The following BAG6 variants were observed in gnomAD, a reference collection of about 807,000 sequenced individuals.
BAG6 encodes the protein BAG cochaperone 6.
Under a neutral mutation model 121.0 loss-of-function variants are expected in BAG6, and 22 were observed. The ratio of observed to expected loss-of-function variants is 0.18; its 90% CI spans 0.13 to 0.26. BAG6 has a LOEUF of 0.26. Among genes scored for constraint, BAG6 ranks in the 10% least tolerant of loss-of-function variants. The pLI is 1.00. For synonymous variants in BAG6, 583 were observed against 584.6 expected (o/e 1.00, Z 0.04); for missense variants, 1,233 against 1,537.7 (o/e 0.80, Z 3.31).
rs1453109083 is a variant in BAG6 at position 31,644,834 on chromosome 6, G to A, written c.1369+112C>T. On this transcript the variant is annotated intron_variant, in intron 10 of 25. Coordinates refer to ENST00000676615, the MANE Select transcript of BAG6 (RefSeq NM_001387994.1). This position sits in a 1 kb window ranked among gnomAD's most constrained non-coding sequence, Gnocchi z 4.9. Reference sequence around the variant, plus strand: ...ACTTAAGCTTCTGCTCTGGTCCCCAGGCTACCACCACCAGCATGTGCCTCT... The same window carrying A: ...ACTTAAGCTTCTGCTCTGGTCCCCAAGCTACCACCACCAGCATGTGCCTCT... 4 of 1,494,702 alleles carry A rather than the reference G, an allele frequency of 2.7e-6. No homozygotes were observed. Among genetic ancestry groups the A allele is most frequent in the Admixed American group, 2.0e-5 (1 of 50,088 alleles). 92.6% of individuals were successfully genotyped at this position (1,494,702 alleles called of 1,614,324 possible).
At chr6:31,646,886 G>A (rs1257633513) in intron 7 of BAG6, among the ~76,000 whole-genome samples, 2 of 143,460 alleles carry the variant, frequency 1.4e-5, no homozygotes, top group Non-Finnish European at 3.0e-5. Context: ...CCATTCTCCT[G>A]ACTCAGCCTC....
Position 31,643,721 on chromosome 6 carries a change from C to CAAAAAAAAAAA in BAG6, c.1756+158_1756+168dup, listed in dbSNP as rs9281540. ...CTAGCAACAGAGTGAGACTCCATCT[C>CAAAAAAAAAAA]AAAAAAAAAAAAAAAAAAAAAAAAA... On this transcript the variant is annotated intron_variant, in intron 14 of 25. Transcript: ENST00000676615. Among the ~76,000 whole-genome samples, 301 of 66,250 alleles carry CAAAAAAAAAAA rather than the reference C, an allele frequency of 4.5e-3. 36 individuals are homozygous for CAAAAAAAAAAA. Among genetic ancestry groups the CAAAAAAAAAAA allele is most frequent in the African/African-American group, 8.6e-3 (81 of 9,374 alleles). The allele number at this position is 66,250 out of a possible 152,430, so 43.5% of individuals were successfully genotyped here. A position where few individuals can be genotyped will look rare whatever the true frequency, so the allele number is the denominator to read the frequency against.
chr6:31,651,159 T>A (rs1455984614), intron 2 of BAG6, among the ~76,000 whole-genome samples: 1 of 152,146 alleles, frequency 6.6e-6, no homozygotes, highest in Non-Finnish European at 1.5e-5. Context: ...TTAAGTTCTA[T>A]CCATGTGGAG....
chr6:31,639,538 G>A lies in BAG6; in HGVS notation c.3355C>T (p.Leu1119=). 6.2e-7 allele frequency: 1 copy of A among 1,614,224 alleles called. No homozygotes were observed. ...LTSPESLSRD[L]EAPEVQESYR... is the part of the protein sequence containing the mutation. ...CTCTCCTGAACCTCTGGTGCCTCCA[G>A]GTCCCGGCTCAGGCTCTCGGGGCTC... Residue 1119 remains leucine, a synonymous_variant, in exon 25 of 26, where the codon CTG becomes TTG. Coordinates refer to ENST00000676615, the MANE Select transcript of BAG6 (RefSeq NM_001387994.1).
In BAG6 at chr6:31,645,023, GCTGGCGGGGGAGCTGGAC is replaced by G. The variant is rs757156077; in HGVS notation, c.1274_1291del (p.Gly425_Pro430del). On this transcript the variant is annotated inframe_deletion, in exon 10 of 26. Coordinates refer to ENST00000676615, the MANE Select transcript of BAG6 (RefSeq NM_001387994.1). ...CCGGATGACCCTCGGGTGGCTGGTGGCTGGCGGGGGAGCTGGACCTGGCGGGGGAGCCCCCTCAGCTGA... is the reference window on the plus strand; with the variant it reads ...CCGGATGACCCTCGGGTGGCTGGTGGCTGGCGGGGGAGCCCCCTCAGCTGA... The G allele has an allele frequency of 3.1e-6, 5 of 1,611,838 alleles. No individual in the cohort carries two copies. Among genetic ancestry groups the G allele is most frequent in the African/African-American group, 2.7e-5 (2 of 74,900 alleles).
chr6:31,643,959 T>C lies in BAG6; in HGVS notation c.1687A>G (p.Thr563Ala). The C allele has an allele frequency of 6.2e-7, 1 of 1,613,948 alleles. No individual in the cohort carries two copies. The change falls in exon 14 of 26, where the codon ACC (threonine) becomes GCC (alanine). Residue 563 changes from threonine (T) to alanine (A), a missense_variant. Around this residue, in one of 7 missense-constraint regions of BAG6, gnomAD observed 777 missense variants for 861.4 expected, o/e 0.90. Coordinates refer to ENST00000676615, the MANE Select transcript of BAG6 (RefSeq NM_001387994.1). ...ACCATCTGGGCCAACGAGGCATTGG[T>C]ACCCAGACCGGCGCCCTGCTGGATA... is the stretch of plus-strand genomic sequence containing the variant. The part of the protein sequence containing the change: ...SGTLQGAGLG[T>A]NASLAQMVSG...
In BAG6 at chr6:31,639,190, G is replaced by C; in HGVS notation, c.3430C>G (p.Pro1144Ala). The change falls in exon 26 of 26, where the codon CCC becomes GCC. Residue 1144 changes from proline (P) to alanine (A), a missense_variant. Transcript: ENST00000676615. ...GGGAAGCGCTGGGGACTGTAGTTGG[G>C]GTCTTCCTGCAGTCGTTTTTGTATA... ...SDIQKRLQED[P>A]NYSPQRFPNA... 6.2e-7 allele frequency: 1 copy of C among 1,613,962 alleles called. No individual in the cohort carries two copies. Among genetic ancestry groups the C allele is most frequent in the Non-Finnish European group, 8.5e-7 (1 of 1,179,978 alleles).
intron 3 of BAG6, 50 bp downstream of exon 3, chr6:31,649,460 C>A (rs753906761): frequency 6.2e-7 from 1 of 1,611,314 alleles, no homozygotes; most frequent in Non-Finnish European, 8.5e-7. Flanking sequence ...CTCAGTTCAT[C>A]CCTCCAGACA....
At position 31,641,300 on chromosome 6, in the gene BAG6, C is replaced by T; in HGVS notation, c.2662+20G>A. ...CACATGCAACAGGCCCCACTTGCCC[C>T]CGCCTGGCCAGCCCCTGACCTGTGC... On this transcript the variant is annotated intron_variant, in intron 19 of 25. Transcript: ENST00000676615. The surrounding 1 kb of genome is among the most constrained non-coding windows in gnomAD (Gnocchi z 5.7). 6.2e-7 allele frequency: 1 copy of T among 1,613,830 alleles called. No homozygotes were observed. Among genetic ancestry groups the T allele is most frequent in the African/African-American group, 1.3e-5 (1 of 75,068 alleles).
chr6:31,650,368 A>T (rs1310237803), intron 2 of BAG6, among the ~76,000 whole-genome samples: 1 of 151,934 alleles, frequency 6.6e-6, no homozygotes, highest in Non-Finnish European at 1.5e-5. Context: ...AGAAGATAAG[A>T]AAGCAAAAAA....
chr6:31,651,752 A>G lies in BAG6; in HGVS notation c.12T>C (p.Asn4=). Residue 4 remains asparagine, a synonymous_variant, in exon 2 of 26, where the codon AAT becomes AAC. Coordinates refer to ENST00000676615, the MANE Select transcript of BAG6 (RefSeq NM_001387994.1). The stretch of plus-strand genomic sequence containing the variant: ...CCTCCACAGCGGTACTGGTACTATC[A>G]TTAGGCTCCATGGCCGACAGGTCTC... MEP[N]DSTSTAVEEP... The G allele has an allele frequency of 6.2e-7, 1 of 1,613,014 alleles. No homozygotes were observed. Among genetic ancestry groups the G allele is most frequent in the African/African-American group, 1.3e-5 (1 of 75,044 alleles).
At position 31,642,838 on chromosome 6, in the gene BAG6, G is replaced by A. The variant is rs1285428072; in HGVS notation, c.2034C>T (p.Asp678=). The change falls in exon 15 of 26, where the codon GAC becomes GAT. Residue 678 remains aspartate, a synonymous_variant. Coordinates refer to ENST00000676615, the MANE Select transcript of BAG6 (RefSeq NM_001387994.1). ...CAAGCCAGCCACTCACCTGCAAGAA[G>A]TCAGTCATGCCTTGGAGAAAGGCAG... The part of the protein sequence containing the change: ...GVPAFLQGMT[D]FLQATQTAPP... 8 of 1,612,214 alleles carry A rather than the reference G, an allele frequency of 5.0e-6. No individual in the cohort carries two copies. The highest frequency in any genetic ancestry group is 6.8e-6 in the Non-Finnish European group (8 of 1,179,268).
At chr6:31,650,789 A>T (rs1422996176) in intron 2 of BAG6, among the ~76,000 whole-genome samples, 1 of 152,158 alleles carries the variant, frequency 6.6e-6, no homozygotes, top group Non-Finnish European at 1.5e-5. Context: ...ATATCCAGGT[A>T]ATATCACATT....
Position 31,640,463 on chromosome 6 carries a change from A to C in BAG6, c.3060T>G (p.Pro1020=). 1 of 1,613,434 alleles carries C rather than the reference A, an allele frequency of 6.2e-7. No individual in the cohort carries two copies. The change falls in exon 23 of 26, where the codon CCT becomes CCG. Residue 1020 remains proline, a synonymous_variant. Coordinates refer to ENST00000676615, the MANE Select transcript of BAG6 (RefSeq NM_001387994.1). This position sits in a 1 kb window ranked among gnomAD's most constrained non-coding sequence, Gnocchi z 4.2. ...AEEAMSRGPP[P]APEGGSRDEQ... ...CATCCCGGGAGCCCCCCTCAGGAGCAGGAGGTGGACCTCGGGACATGGCCT... is the reference window on the plus strand; with the variant it reads ...CATCCCGGGAGCCCCCCTCAGGAGCCGGAGGTGGACCTCGGGACATGGCCT...
intron 6 of BAG6, 135 bp downstream of exon 6, chr6:31,648,538 AAAAG>A: frequency 1.3e-6 from 1 of 792,650 alleles, no homozygotes; most frequent in Non-Finnish European, 2.0e-6. Context: ...TTTTCTGCCC[AAAAG>A]AATGAATACT....
intron 8 of BAG6, 120 bp downstream of exon 8, chr6:31,646,274 C>T: frequency 7.0e-7 from 1 of 1,438,378 alleles, no homozygotes; most frequent in Non-Finnish European, 9.4e-7. Context: ...GCGTGAGCCA[C>T]TGCACCTGGC....
In BAG6 at chr6:31,639,488, T is replaced by G. The variant is rs768552143; in HGVS notation, c.3393+12A>C. On this transcript the variant is annotated intron_variant, in intron 25 of 25. Coordinates refer to ENST00000676615, the MANE Select transcript of BAG6 (RefSeq NM_001387994.1). ...CCCACTAGACCATCCCTATTCTGCTTCAAGGTGGCACCTGCTGCCTGTAGC... is the reference window on the plus strand; with the variant it reads ...CCCACTAGACCATCCCTATTCTGCTGCAAGGTGGCACCTGCTGCCTGTAGC... 2.4e-5 allele frequency: 39 copies of G among 1,611,582 alleles called. No homozygotes were observed. The highest frequency in any genetic ancestry group is 3.1e-5 in the Non-Finnish European group (36 of 1,178,430).
chr6:31,641,225 C>T lies in BAG6; in HGVS notation c.2666G>A (p.Ser889Asn). Residue 889 changes from serine to asparagine, a missense_variant, in exon 20 of 26, where the codon AGT becomes AAT. Around this residue, in one of 7 missense-constraint regions of BAG6, gnomAD observed 288 missense variants for 483.1 expected, o/e 0.60. Coordinates refer to ENST00000676615, the MANE Select transcript of BAG6 (RefSeq NM_001387994.1). This position sits in a 1 kb window ranked among gnomAD's most constrained non-coding sequence, Gnocchi z 5.7. ...IAAHVLHCTD[S>N]GFGARLLELC... ...CTCCAGCAACCGGGCCCCAAATCCA[C>T]TATCTGTGGGCAAAATACAAGGAGG... 6.2e-7 allele frequency: 1 copy of T among 1,614,192 alleles called. No homozygotes were observed. Among genetic ancestry groups the T allele is most frequent in the South Asian group, 1.1e-5 (1 of 91,086 alleles).
chr6:31,647,037 T>C (rs1716968009), intron 7 of BAG6, among the ~76,000 whole-genome samples: 1 of 152,146 alleles, frequency 6.6e-6, no homozygotes. Context: ...CCTCCCAAAG[T>C]GCTGGGATTA....
Sources: gnomAD v4.1 joint callset for allele counts (sites outside exome capture counted in the v4.1 genomes callset) on GRCh38, gnomAD v4.1.1 for gene constraint, gnomAD v4.1.1 regional missense constraint, Gnocchi (gnomAD v3.1) non-coding constraint, MANE v1.5 for transcripts, NCBI Gene and HGNC (gene_info 2026-07-23, HGNC 2026-07-21) for gene names.